Variants in ANKRD28 observed in about 807,000 individuals in gnomAD.
ANKRD28 encodes serine/threonine-protein phosphatase 6 regulatory ankyrin repeat subunit A.
Under a neutral mutation model 126.5 loss-of-function variants are expected in ANKRD28, and 44 were observed. That is an observed-to-expected ratio of 0.35 (90% CI 0.27 to 0.45). The LOEUF (loss-of-function observed/expected upper bound fraction) is 0.45. Among genes scored for constraint, ANKRD28 ranks in the 20% least tolerant of loss-of-function variants. The pLI is 1.00. For missense variants in ANKRD28, 1,110 were observed against 1,316.6 expected (o/e 0.84, Z 2.43); for synonymous variants, 442 against 468.5 (o/e 0.94, Z 0.73).
In ANKRD28 at chr3:15,685,464, A is replaced by C. The variant is rs1475472590; in HGVS notation, c.2170-19T>G. ...TAACTGCCTGAAAGAAAATAATTTA[A>C]AGGTAGTCAAACATATTATGCTAAA... On this transcript the variant is annotated intron_variant, in intron 20 of 27. Transcript: ENST00000683139. 2 of 1,610,784 alleles carry C rather than the reference A, an allele frequency of 1.2e-6. No homozygotes were observed. The highest frequency in any genetic ancestry group is 2.2e-5 in the South Asian group (2 of 91,024).
chr3:15,738,114 T>A (rs2075157223), intron 4 of ANKRD28, among the ~76,000 whole-genome samples: 2 of 151,912 alleles, frequency 1.3e-5, no homozygotes, highest in Admixed American at 1.3e-4. Context: ...AGAACTAAAC[T>A]CAACAAAATT....
intron 18 of ANKRD28, chr3:15,686,528 C>T (rs909954978): frequency 5.4e-5 from 30 of 556,996 alleles, no homozygotes; most frequent in Admixed American, 2.8e-4. Context: ...ACAGGCAGAC[C>T]GCCTACCCAG....
intron 6 of ANKRD28, among the ~76,000 whole-genome samples, chr3:15,726,636 G>A (rs1020699851): frequency 6.6e-6 from 1 of 152,228 alleles, no homozygotes; most frequent in Non-Finnish European, 1.5e-5. Context: ...AAGTGCTGAT[G>A]TATTAATAGA....
At position 15,813,326 on chromosome 3, in the gene ANKRD28, C is replaced by T. The variant is rs894565653; in HGVS notation, c.28-18020G>A. On this transcript the variant is annotated intron_variant, in intron 1 of 27. Transcript: ENST00000399451. Reference sequence around the variant, plus strand: ...GGCTGCAGTCAGCCCTGATCACATGCCGCTGCACTCCAGTCTGGGCAACAG... The same window carrying T: ...GGCTGCAGTCAGCCCTGATCACATGTCGCTGCACTCCAGTCTGGGCAACAG... Among the ~76,000 whole-genome samples the T allele has an allele frequency of 2.1e-4, 32 of 152,166 alleles. 5 individuals are homozygous for T. The highest frequency in any genetic ancestry group is 8.5e-4 in the Admixed American group (13 of 15,286).
chr3:15,709,757 T>C, intron 12 of ANKRD28, 21 bp from the exon 13 acceptor site: 1 of 1,496,956 alleles, frequency 6.7e-7, no homozygotes, highest in Non-Finnish European at 9.1e-7. Flanking sequence ...AAAATACAGT[T>C]AGAAAACTTA....
chr3:15,743,561 C>T (rs1019002775), intron 4 of ANKRD28, among the ~76,000 whole-genome samples: 32 of 150,000 alleles, frequency 2.1e-4, no homozygotes, highest in Non-Finnish European at 4.3e-4. Flanking sequence ...CACACACACA[C>T]ACACACACAC....
At position 15,846,020 on chromosome 3, in the gene ANKRD28, T is replaced by C. The variant is rs1575814101; in HGVS notation, c.27+13357A>G. Among the ~76,000 whole-genome samples, 1 of 152,178 alleles carries C rather than the reference T, an allele frequency of 6.6e-6. No individual in the cohort carries two copies. Among genetic ancestry groups the C allele is most frequent in the East Asian group, 1.9e-4 (1 of 5,178 alleles). On this transcript the variant is annotated intron_variant, in intron 1 of 27. Coordinates refer to the ANKRD28 transcript ENST00000399451. The surrounding 1 kb of genome is among the most constrained non-coding windows in gnomAD (Gnocchi z 5.4). ...GGTGGGGACACAGAGCCAAACCATA[T>C]CATTCCACACCTGGCCACTCCCAAA...
At chr3:15,789,179 T>C (rs1364614409) in intron 2 of ANKRD28, among the ~76,000 whole-genome samples, 2 of 152,098 alleles carry the variant, frequency 1.3e-5, no homozygotes, top group Non-Finnish European at 2.9e-5. Flanking sequence ...TAGGTTCCTA[T>C]CCAAACAACT....
intron 8 of ANKRD28, among the ~76,000 whole-genome samples, chr3:15,716,358 CAT>C (rs1205427559): frequency 6.8e-6 from 1 of 147,654 alleles, no homozygotes; most frequent in Non-Finnish European, 1.5e-5. Flanking sequence ...GTGGTGTAAT[CAT>C]AGTTCACTGC....
intron 1 of ANKRD28, among the ~76,000 whole-genome samples, chr3:15,809,181 TAGTC>T (rs2125877824): frequency 6.6e-6 from 1 of 152,306 alleles, no homozygotes; most frequent in East Asian, 1.9e-4. Context: ...CTCCCACTTT[TAGTC>T]AGTCACCAAG....
chr3:15,859,121 A>G (rs2061844061), intron 1 of ANKRD28, among the ~76,000 whole-genome samples: 1 of 152,248 alleles, frequency 6.6e-6, no homozygotes, highest in East Asian at 1.9e-4. Flanking sequence ...GAGGGCGGTG[A>G]GCGTGGAACC....
In ANKRD28 at chr3:15,787,777, C is replaced by T. The variant is rs369156884; in HGVS notation, c.201+7446G>A. 5.9e-5 allele frequency among the ~76,000 whole-genome samples: 9 copies of T among 152,188 alleles called. No individual in the cohort carries two copies. In the South Asian group the frequency reaches 1.9e-3, roughly 32 times the overall value. On this transcript the variant is annotated intron_variant, in intron 2 of 27. Coordinates refer to ENST00000683139, the MANE Select transcript of ANKRD28 (RefSeq NM_001349278.2). ...TTGTTCAAGATTAGACTGCTTCTTG[C>T]TAATTTTCAGAAAAGACTGTATTTG...
At chr3:15,784,862 C>G (rs1218652867) in intron 2 of ANKRD28, among the ~76,000 whole-genome samples, 1 of 152,052 alleles carries the variant, frequency 6.6e-6, no homozygotes, top group Non-Finnish European at 1.5e-5. Flanking sequence ...GAATCTGTCT[C>G]CCCAACTAGA....
rs960841663 is a variant in ANKRD28, at chr3:15,812,527, G to T, written c.28-17221C>A. Among the ~76,000 whole-genome samples, 1 of 152,128 alleles carries T rather than the reference G, an allele frequency of 6.6e-6. No homozygotes were observed. Among genetic ancestry groups the T allele is most frequent in the African/African-American group, 2.4e-5 (1 of 41,428 alleles). ...GTAAACTGGCTATATAATACTGAGG[G>T]TATCTGCTATTTGTTACCATTTTCT... On this transcript the variant is annotated intron_variant, in intron 1 of 27. Coordinates refer to the ANKRD28 transcript ENST00000399451. This position sits in a 1 kb window ranked among gnomAD's most constrained non-coding sequence, Gnocchi z 4.1.
chr3:15,822,096 T>C (rs2060954915), intron 1 of ANKRD28, among the ~76,000 whole-genome samples: 1 of 152,214 alleles, frequency 6.6e-6, no homozygotes, highest in Non-Finnish European at 1.5e-5. Context: ...AGAGGCCACA[T>C]GCGTGTCCAG....
At chr3:15,714,483 G>T in intron 9 of ANKRD28, 95 bp downstream of exon 9, 2 of 849,202 alleles carry the variant, frequency 2.4e-6, no homozygotes, top group South Asian at 1.9e-5. Flanking sequence ...AAAATGCGAT[G>T]ACAATTCCTC....
chr3:15,793,826 G>A (rs2074797821), intron 2 of ANKRD28, among the ~76,000 whole-genome samples: 1 of 152,196 alleles, frequency 6.6e-6, no homozygotes. Context: ...AGCACTTTGG[G>A]AGGCCAAGGC....
At chr3:15,793,202 C>T (rs190586236) in intron 2 of ANKRD28, among the ~76,000 whole-genome samples, 16 of 152,114 alleles carry the variant, frequency 1.1e-4, no homozygotes, top group Non-Finnish European at 2.2e-4. Context: ...GCATTTAACA[C>T]CCATTGCCTT....
chr3:15,775,745 A>G (rs916064318), intron 2 of ANKRD28, among the ~76,000 whole-genome samples: 9 of 152,224 alleles, frequency 5.9e-5, no homozygotes, highest in Admixed American at 3.9e-4. Flanking sequence ...TGCAACTTCC[A>G]TTCCCTCTCT....
Sources: allele counts gnomAD v4.1 joint callset (sites outside exome capture counted in the v4.1 genomes callset), GRCh38; gene constraint gnomAD v4.1.1; non-coding constraint Gnocchi (gnomAD v3.1); transcripts MANE v1.5; gene names NCBI Gene and HGNC (gene_info 2026-07-23, HGNC 2026-07-21).